ASIP: variants seen among roughly 807,000 people sequenced by gnomAD.
ASIP encodes agouti signaling protein.
In ASIP, 11 loss-of-function variants were observed where a neutral mutation model predicts 10.3. The observed-to-expected ratio is 1.07, with a 90% CI of 0.68 to 1.78. ASIP has a LOEUF of 1.78. Ranked by LOEUF, ASIP falls within the 40% of genes most tolerant of loss-of-function variation. The pLI, the probability that ASIP is intolerant of heterozygous loss-of-function variation, is 0.00. For synonymous variants in ASIP, 70 were observed against 70.8 expected (o/e 0.99, Z 0.06); for missense variants, 180 against 169.2 (o/e 1.06, Z -0.35).
intron 1 of ASIP, among the ~76,000 whole-genome samples, chr20:34,219,933 CA>C (rs1272932290): frequency 6.6e-6 from 1 of 151,976 alleles, no homozygotes; most frequent in Non-Finnish European, 1.5e-5. Flanking sequence ...ACTAAAAATA[CA>C]AAAAAATTAG....
intron 1 of ASIP, among the ~76,000 whole-genome samples, chr20:34,203,016 G>C (rs1286382803): frequency 1.3e-5 from 2 of 151,886 alleles, no homozygotes; most frequent in Non-Finnish European, 2.9e-5. Flanking sequence ...CACCGCGTTA[G>C]CCAGGATGGT....
At position 34,267,860 on chromosome 20, in the gene ASIP, C is replaced by A. The variant is rs540331985; in HGVS notation, c.223-1131C>A. Among the ~76,000 whole-genome samples, 4 of 151,234 alleles carry A rather than the reference C, an allele frequency of 2.6e-5. No individual in the cohort carries two copies. In the East Asian group the frequency reaches 7.8e-4, roughly 29 times the overall value. ...ACCATATTTAAAAAAAAAAAAGGTG[C>A]AATTAATTGTAATATTTTATTTAAC... On this transcript the variant is annotated intron_variant, in intron 3 of 3. Coordinates refer to ENST00000374954, the MANE Select transcript of ASIP (RefSeq NM_001672.3).
chr20:34,232,587 C>G (rs1366677760), intron 1 of ASIP, among the ~76,000 whole-genome samples: 1 of 152,160 alleles, frequency 6.6e-6, no homozygotes, highest in African/African-American at 2.4e-5. Flanking sequence ...ATCTGTAGGT[C>G]TTATTTGAGA....
At chr20:34,235,870 G>GAAGGAAGGAAGGAAGGAAGGAAGGA (rs2035188352) in intron 1 of ASIP, among the ~76,000 whole-genome samples, 1 of 28,952 alleles carries the variant, frequency 3.5e-5, no homozygotes. Context: ...GGAAGGAAAG[G>GAAGGAAGGAAGGAAGGAAGGAAGGA]AAGGAAGGAA....
rs1306838625 is a variant in ASIP, at chr20:34,241,445, G to A, written c.-55G>A. On this transcript the variant is annotated 5_prime_UTR_variant, in exon 1 of 4. The change creates a new upstream start codon in the 5' untranslated region. Coordinates refer to ENST00000374954, the MANE Select transcript of ASIP (RefSeq NM_001672.3). ...AGCAGCAAATCTCTACAGCTGCAAGGTGAAAAAGGAAGTTCCTTGGCCTGG... is the reference window on the plus strand; with the variant it reads ...AGCAGCAAATCTCTACAGCTGCAAGATGAAAAAGGAAGTTCCTTGGCCTGG... 4 of 985,320 alleles carry A rather than the reference G, an allele frequency of 4.1e-6. No individual in the cohort carries two copies. The highest frequency in any genetic ancestry group is 1.2e-4 in the Admixed American group (2 of 16,260). 61.0% of individuals were successfully genotyped at this position (985,320 alleles called of 1,614,324 possible).
At chr20:34,247,875 G>T (rs2035406479) in intron 1 of ASIP, among the ~76,000 whole-genome samples, 1 of 152,132 alleles carries the variant, frequency 6.6e-6, no homozygotes, top group African/African-American at 2.4e-5. Context: ...GGGATTACAG[G>T]CATGAGCCAT....
At chr20:34,241,303 A>G (rs556261169), upstream of ASIP, among the ~76,000 whole-genome samples, 2 of 151,954 alleles carry the variant, frequency 1.3e-5, no homozygotes, top group Non-Finnish European at 1.5e-5. Context: ...AACATTTCCT[A>G]TTTTCACTGT....
At chr20:34,234,309 A>G (rs2035149327) in intron 1 of ASIP, among the ~76,000 whole-genome samples, 1 of 152,168 alleles carries the variant, frequency 6.6e-6, no homozygotes. Flanking sequence ...CAAGACCACT[A>G]GTGCCTAAGA....
At chr20:34,245,858 C>A in intron 1 of ASIP, 1 of 818,336 alleles carries the variant, frequency 1.2e-6, no homozygotes, top group East Asian at 6.4e-5. Context: ...ATATATTCTA[C>A]AGTAAATATA....
intron 1 of ASIP, among the ~76,000 whole-genome samples, chr20:34,243,077 G>T (rs915410938): frequency 6.6e-6 from 1 of 152,192 alleles, no homozygotes; most frequent in African/African-American, 2.4e-5. Flanking sequence ...TGTACACTGT[G>T]GGAATGAACA....
chr20:34,267,617 C>T (rs2035810059), intron 3 of ASIP, among the ~76,000 whole-genome samples: 1 of 151,964 alleles, frequency 6.6e-6, no homozygotes, highest in Non-Finnish European at 1.5e-5. Flanking sequence ...CAGCAACCTC[C>T]ACCTCCCCGG....
intron 1 of ASIP, among the ~76,000 whole-genome samples, chr20:34,255,538 T>G (rs990395010): frequency 3.9e-5 from 6 of 152,160 alleles, no homozygotes; most frequent in African/African-American, 1.4e-4. Flanking sequence ...ATATATAGAA[T>G]AAGAATAGTT....
chr20:34,231,911 TTACCC>T lies in ASIP; in HGVS notation c.-10-28450_-10-28446del, dbSNP rs528210714. Among the ~76,000 whole-genome samples the T allele has an allele frequency of 8.7e-3, 1,320 of 152,344 alleles. 10 individuals carry two copies. The highest frequency in any genetic ancestry group is 0.014 in the Non-Finnish European group (937 of 68,036). On this transcript the variant is annotated intron_variant, in intron 1 of 3. Transcript: ENST00000568305. Reference sequence around the variant, plus strand: ...TATATGTCAGGGGTAGGATTTGACTTTACCCTACTTATAAGCCAGTAAGTTAGCTT... The same window carrying T: ...TATATGTCAGGGGTAGGATTTGACTTTACTTATAAGCCAGTAAGTTAGCTT...
At chr20:34,246,611 C>G (rs1432116102) in intron 1 of ASIP, 1 of 653,662 alleles carries the variant, frequency 1.5e-6, no homozygotes, top group African/African-American at 1.8e-5. Context: ...CACATGCCAC[C>G]ATGCCTGACT....
intron 1 of ASIP, among the ~76,000 whole-genome samples, chr20:34,211,128 T>A (rs1186641104): frequency 1.3e-5 from 2 of 152,146 alleles, no homozygotes; most frequent in African/African-American, 4.8e-5. Context: ...CTCCTGAACT[T>A]AAGCAATCCT....
At chr20:34,226,828 A>T (rs1357542280) in intron 1 of ASIP, among the ~76,000 whole-genome samples, 1 of 151,996 alleles carries the variant, frequency 6.6e-6, no homozygotes, top group African/African-American at 2.4e-5. Context: ...GCCTCAAGTG[A>T]TCCTCCCATC....
chr20:34,252,203 A>G (rs1233681599), intron 1 of ASIP, among the ~76,000 whole-genome samples: 2 of 152,242 alleles, frequency 1.3e-5, no homozygotes, highest in Non-Finnish European at 2.9e-5. Flanking sequence ...GACAAAGTAT[A>G]GAGAAAGAAC....
At chr20:34,250,058 C>T (rs1254985552) in intron 1 of ASIP, 1 of 152,328 alleles carries the variant, frequency 6.6e-6, no homozygotes, top group Non-Finnish European at 1.5e-5. Flanking sequence ...GCTGATACTT[C>T]TTGATCTGTG....
At chr20:34,201,862 G>A (rs2034902102) in intron 1 of ASIP, among the ~76,000 whole-genome samples, 1 of 152,174 alleles carries the variant, frequency 6.6e-6, no homozygotes, top group Admixed American at 6.5e-5. Context: ...CTTTTAATCT[G>A]AGAGAAAACA....
Sources: gnomAD v4.1 joint callset for allele counts (sites outside exome capture counted in the v4.1 genomes callset) on GRCh38, gnomAD v4.1.1 for gene constraint, MANE v1.5 for transcripts, NCBI Gene and HGNC (gene_info 2026-07-23, HGNC 2026-07-21) for gene names.